Variants in PLSCR4 observed in about 807,000 individuals in gnomAD.
PLSCR4 encodes the protein Ca(2+)-dependent phospholipid scramblase 4.
In PLSCR4, 25 loss-of-function variants were observed where a neutral mutation model predicts 36.3. The ratio of observed to expected loss-of-function variants is 0.69; its 90% CI spans 0.50 to 0.96. The LOEUF is 0.96. Ranked by LOEUF, PLSCR4 falls within the 40% of genes least tolerant of loss-of-function variation. PLSCR4 has a pLI of 0.00. For missense variants in PLSCR4, 408 were observed against 414.7 expected, an observed-to-expected ratio of 0.98 and a Z score of 0.14; for synonymous variants, 122 against 132.9, an observed-to-expected ratio of 0.92 and a Z score of 0.56.
intron 1 of PLSCR4, among the ~76,000 whole-genome samples, chr3:146,237,055 AAAAG>A (rs146682059): frequency 0.012 from 1,880 of 152,262 alleles, 47 homozygotes; most frequent in African/African-American, 0.043. Context: ...GAAAAGAAAA[AAAAG>A]AGAGAAAACA....
chr3:146,235,393 C>T lies in PLSCR4; in HGVS notation c.-21-13301G>A, dbSNP rs114725883. ...CTCCAGCCATGTGAAGTTCTGGCTC[C>T]CCATTTGCCTTCTGCCATGACTGTA... is the stretch of plus-strand genomic sequence containing the variant. On this transcript the variant is annotated intron_variant, in intron 1 of 8. Transcript: ENST00000354952. Among the ~76,000 whole-genome samples the T allele has an allele frequency of 7.7e-3, 1,177 of 152,196 alleles. 9 individuals are homozygous for T. Among genetic ancestry groups the T allele is most frequent in the South Asian group, 0.022 (104 of 4,814 alleles).
intron 5 of PLSCR4, among the ~76,000 whole-genome samples, chr3:146,200,630 T>C (rs2033994906): frequency 6.6e-6 from 1 of 152,106 alleles, no homozygotes; most frequent in Admixed American, 6.6e-5. Flanking sequence ...TATTTCCAGC[T>C]CTGCCACTGA....
At position 146,227,797 on chromosome 3, in the gene PLSCR4, A is replaced by G. The variant is rs1378265276; in HGVS notation, c.-21-5705T>C. On this transcript the variant is annotated intron_variant, in intron 1 of 8. Transcript: ENST00000354952. ...AGAACAGAAAGCAGGTCAATGAGCA[A>G]TTCCTTCTGCTTCTTAGCAGAGGCA... Among the ~76,000 whole-genome samples, 3 of 152,172 alleles carry G rather than the reference A, an allele frequency of 2.0e-5. No homozygotes were observed. The East Asian group carries it at 5.8e-4, about 29-fold the overall frequency.
chr3:146,213,519 C>T (rs1453450646), intron 3 of PLSCR4, among the ~76,000 whole-genome samples: 1 of 151,880 alleles, frequency 6.6e-6, no homozygotes, highest in Non-Finnish European at 1.5e-5. Flanking sequence ...GATGGGATTT[C>T]GCCATGTTGG....
At chr3:146,212,087 A>G (rs2034653953) in intron 3 of PLSCR4, among the ~76,000 whole-genome samples, 1 of 152,118 alleles carries the variant, frequency 6.6e-6, no homozygotes, top group South Asian at 2.1e-4. Flanking sequence ...TTCCACTGTG[A>G]TAAGAATTGT....
intron 1 of PLSCR4, among the ~76,000 whole-genome samples, chr3:146,224,325 T>G (rs1020886356): frequency 3.3e-5 from 5 of 152,204 alleles, no homozygotes; most frequent in African/African-American, 1.2e-4. Context: ...CAGAGATGTA[T>G]CTCAAAATTA....
chr3:146,228,463 A>C (rs769834045), intron 1 of PLSCR4, among the ~76,000 whole-genome samples: 1 of 152,016 alleles, frequency 6.6e-6, no homozygotes, highest in Non-Finnish European at 1.5e-5. Context: ...TTCAAAGTGG[A>C]AGGAGTGGGG....
At position 146,206,525 on chromosome 3, in the gene PLSCR4, C is replaced by T. The variant is rs1332466702; in HGVS notation, c.354+1G>A. Reference sequence around the variant, plus strand: ...AAATAATTTGTATTTTCATGGAGTACCTGAACTAAGTATTCCAGACCAGGA... The same window carrying T: ...AAATAATTTGTATTTTCATGGAGTATCTGAACTAAGTATTCCAGACCAGGA... On this transcript the variant is annotated splice_donor_variant, in intron 4 of 8. Transcript: ENST00000354952. LOFTEE classifies it high-confidence loss of function. 21 of 1,594,476 alleles carry T rather than the reference C, an allele frequency of 1.3e-5. 1 individual carries two copies. Among genetic ancestry groups the T allele is most frequent in the Non-Finnish European group, 1.8e-5 (21 of 1,162,422 alleles).
At chr3:146,213,999 T>C (rs2034765374) in intron 3 of PLSCR4, among the ~76,000 whole-genome samples, 1 of 152,106 alleles carries the variant, frequency 6.6e-6, no homozygotes, top group African/African-American at 2.4e-5. Flanking sequence ...GTTTTGTTGA[T>C]TTTGTTTATT....
chr3:146,225,695 C>T (rs897986301), intron 1 of PLSCR4, among the ~76,000 whole-genome samples: 3 of 152,336 alleles, frequency 2.0e-5, no homozygotes, highest in East Asian at 1.9e-4. Context: ...CCTCATTGCC[C>T]GGGGCCAGCA....
intron 1 of PLSCR4, among the ~76,000 whole-genome samples, chr3:146,248,238 A>G (rs2036418944): frequency 6.6e-6 from 1 of 152,180 alleles, no homozygotes; most frequent in Non-Finnish European, 1.5e-5. Context: ...ACAATATGAA[A>G]GGTTTTGTGA....
At chr3:146,201,707 G>A (rs1163243428) in intron 4 of PLSCR4, among the ~76,000 whole-genome samples, 1 of 152,082 alleles carries the variant, frequency 6.6e-6, no homozygotes, top group Non-Finnish European at 1.5e-5. Flanking sequence ...AACAGGATTA[G>A]GGGAAGAGAA....
intron 1 of PLSCR4, among the ~76,000 whole-genome samples, chr3:146,235,940 T>G (rs1328038790): frequency 1.3e-5 from 2 of 152,126 alleles, no homozygotes; most frequent in Non-Finnish European, 2.9e-5. Context: ...CAGAAGAAAT[T>G]TCTAAGCAGC....
rs1291833814 is a variant in PLSCR4 at position 146,220,909 on chromosome 3, G to C, written c.24C>G (p.Ala8=). The C allele has an allele frequency of 1.2e-6, 2 of 1,612,214 alleles. No homozygotes were observed. Among genetic ancestry groups the C allele is most frequent in the African/African-American group, 2.7e-5 (2 of 74,936 alleles). ...CCATTTCACCTGCAGGCTGTTCAGG[G>C]GCTGTGGGTACCACACCTTCAGGGG... is the stretch of plus-strand genomic sequence containing the variant. MSGVVPT[A]PEQPAGEMEN... Residue 8 remains alanine (A), a synonymous_variant, in exon 3 of 9, where the codon GCC becomes GCG. Coordinates refer to ENST00000354952, the MANE Select transcript of PLSCR4 (RefSeq NM_020353.3).
At chr3:146,213,385 A>T (rs1283062087) in intron 3 of PLSCR4, among the ~76,000 whole-genome samples, 1 of 135,356 alleles carries the variant, frequency 7.4e-6, no homozygotes, top group Non-Finnish European at 1.5e-5. Context: ...AGGCTGGAGT[A>T]CAGTGGTGTG....
intron 3 of PLSCR4, among the ~76,000 whole-genome samples, 188 bp downstream of exon 3, chr3:146,220,627 G>C (rs902569171): frequency 6.6e-6 from 1 of 152,130 alleles, no homozygotes; most frequent in Non-Finnish European, 1.5e-5. Flanking sequence ...CCATCTAAAA[G>C]CCTGTAAATC....
chr3:146,205,309 A>C (rs745376424), intron 4 of PLSCR4, among the ~76,000 whole-genome samples: 40 of 152,010 alleles, frequency 2.6e-4, no homozygotes, highest in Non-Finnish European at 4.4e-4. Flanking sequence ...TCCTGTATAT[A>C]CTATGCACAA....
At position 146,223,251 on chromosome 3, in the gene PLSCR4, G is replaced by A. The variant is rs369996676; in HGVS notation, c.-21-1159C>T. Reference sequence around the variant, plus strand: ...AGGTAAATTTTTCTGAATTCAGTCAGGCAAAAAAAAGGCTATTATTTGAGA... The same window carrying A: ...AGGTAAATTTTTCTGAATTCAGTCAAGCAAAAAAAAGGCTATTATTTGAGA... On this transcript the variant is annotated intron_variant, in intron 1 of 8. Transcript: ENST00000354952. 1.9e-4 allele frequency among the ~76,000 whole-genome samples: 29 copies of A among 151,884 alleles called. No individual in the cohort carries two copies. The Middle Eastern group carries it at 0.01, about 53-fold the overall frequency.
chr3:146,247,282 A>C (rs894402716), intron 1 of PLSCR4, among the ~76,000 whole-genome samples: 12 of 152,282 alleles, frequency 7.9e-5, no homozygotes, highest in African/African-American at 2.9e-4. Flanking sequence ...TACATTTTTA[A>C]AGATACTATC....
Sources: allele counts gnomAD v4.1 joint callset (sites outside exome capture counted in the v4.1 genomes callset), GRCh38; gene constraint gnomAD v4.1.1; transcripts MANE v1.5; gene names NCBI Gene and HGNC (gene_info 2026-07-23, HGNC 2026-07-21).